Variants in DPP10 observed in about 807,000 individuals in gnomAD.
DPP10 encodes inactive dipeptidyl peptidase 10.
DPP10 carries 33 observed loss-of-function variants against 120.9 expected under a neutral mutation model. The observed-to-expected ratio is 0.27, with a 90% CI of 0.21 to 0.37. DPP10 has a LOEUF of 0.37. Ranked by LOEUF, DPP10 falls within the 10% of genes least tolerant of loss-of-function variation. DPP10 has a pLI of 1.00. For synonymous variants in DPP10, 337 were observed against 326.1 expected (o/e 1.03, Z -0.36); for missense variants, 816 against 942.8 (o/e 0.87, Z 1.76).
At chr2:115,335,930 T>C (rs992286435) in intron 2 of DPP10, among the ~76,000 whole-genome samples, 2 of 152,096 alleles carry the variant, frequency 1.3e-5, no homozygotes, top group African/African-American at 4.8e-5. Context: ...TTGTTCTTCT[T>C]GTGGGAAATT....
At chr2:115,815,584 C>T (rs753791261) in intron 20 of DPP10, 91 bp from the exon 21 acceptor site, 31 of 1,089,602 alleles carry the variant, frequency 2.8e-5, no homozygotes, top group Non-Finnish European at 3.7e-5. Flanking sequence ...TAGTCATTAG[C>T]TATTGTTTTG....
chr2:115,664,994 A>C (rs753268981), intron 5 of DPP10, among the ~76,000 whole-genome samples: 3 of 152,196 alleles, frequency 2.0e-5, no homozygotes, highest in Non-Finnish European at 4.4e-5. Flanking sequence ...AGGGCAGCAC[A>C]CACTGAACAT....
intron 3 of DPP10, among the ~76,000 whole-genome samples, chr2:115,471,593 AT>A (rs5833594): frequency 0.94 from 139,134 of 147,500 alleles, 66,119 homozygotes; most frequent in East Asian, 1. Context: ...TCTCTCTTTT[AT>A]TTTTTTTTTT....
At chr2:115,039,972 A>G (rs1245455860) in intron 1 of DPP10, among the ~76,000 whole-genome samples, 1 of 151,792 alleles carries the variant, frequency 6.6e-6, no homozygotes, top group Non-Finnish European at 1.5e-5. Flanking sequence ...AGGGAAAAAA[A>G]TGTGCACACA....
chr2:115,637,274 CA>C (rs1243041744), intron 5 of DPP10, among the ~76,000 whole-genome samples: 1 of 151,826 alleles, frequency 6.6e-6, no homozygotes, highest in Non-Finnish European at 1.5e-5. Flanking sequence ...AAATATCTTT[CA>C]AAAAACTGAT....
At chr2:115,057,537 G>A (rs559692990) in intron 1 of DPP10, among the ~76,000 whole-genome samples, 1 of 152,318 alleles carries the variant, frequency 6.6e-6, no homozygotes, top group Non-Finnish European at 1.5e-5. Context: ...TGCTAAGATG[G>A]TGAATTGCTT....
chr2:115,697,959 C>A (rs935172275), intron 7 of DPP10, among the ~76,000 whole-genome samples: 1 of 152,006 alleles, frequency 6.6e-6, no homozygotes, highest in Admixed American at 6.6e-5. Context: ...CCAGCTTGGG[C>A]GAGAGAGCGA....
At chr2:115,485,999 T>G (rs979838659) in intron 3 of DPP10, among the ~76,000 whole-genome samples, 34 of 152,250 alleles carry the variant, frequency 2.2e-4, no homozygotes, top group African/African-American at 8.2e-4. Context: ...AAGTCTGATC[T>G]AAACCTTGAT....
At chr2:115,790,554 T>C (rs1300510329) in intron 17 of DPP10, among the ~76,000 whole-genome samples, 2 of 152,224 alleles carry the variant, frequency 1.3e-5, no homozygotes, top group African/African-American at 2.4e-5. Flanking sequence ...ATTACTCTTT[T>C]GTTCTTCAGT....
At chr2:115,096,682 C>T (rs1370210650) in intron 1 of DPP10, among the ~76,000 whole-genome samples, 2 of 152,090 alleles carry the variant, frequency 1.3e-5, no homozygotes, top group Non-Finnish European at 2.9e-5. Flanking sequence ...AAGAAGTATA[C>T]TAAATGCATA....
At chr2:114,755,768 A>G (rs1372973735) in intron 1 of DPP10, among the ~76,000 whole-genome samples, 1 of 152,184 alleles carries the variant, frequency 6.6e-6, no homozygotes, top group Admixed American at 6.5e-5. Context: ...AGAGGCTCTG[A>G]AAGATAAATG....
At chr2:114,714,069 GTT>G (rs915771502) in intron 1 of DPP10, among the ~76,000 whole-genome samples, 8 of 109,798 alleles carry the variant, frequency 7.3e-5, no homozygotes, top group African/African-American at 2.0e-4. Flanking sequence ...GTGGATTTGT[GTT>G]TGTGTGTGTG....
intron 1 of DPP10, among the ~76,000 whole-genome samples, chr2:114,474,903 C>A (rs560576759): frequency 1.8e-4 from 27 of 152,290 alleles, no homozygotes; most frequent in African/African-American, 5.5e-4. Context: ...GCATTCTGAG[C>A]CTTGACAGTG....
chr2:115,837,922 T>A (rs1344217537), intron 24 of DPP10, among the ~76,000 whole-genome samples: 1 of 151,140 alleles, frequency 6.6e-6, no homozygotes, highest in Non-Finnish European at 1.5e-5. Flanking sequence ...TGTGGGATTC[T>A]GAATGGAACC....
chr2:114,719,396 C>A (rs1701560160), intron 1 of DPP10, among the ~76,000 whole-genome samples: 1 of 152,098 alleles, frequency 6.6e-6, no homozygotes, highest in Admixed American at 6.5e-5. Flanking sequence ...TGCAACCTGC[C>A]CACCCACCCC....
chr2:114,825,338 A>G (rs1356085037), intron 1 of DPP10, among the ~76,000 whole-genome samples: 2 of 152,226 alleles, frequency 1.3e-5, no homozygotes, highest in Admixed American at 1.3e-4. Context: ...TGAAAGAGGC[A>G]TATTTAGTCT....
intron 2 of DPP10, among the ~76,000 whole-genome samples, chr2:115,337,125 C>G (rs2063186880): frequency 7.0e-6 from 1 of 143,000 alleles, no homozygotes; most frequent in South Asian, 2.2e-4. Context: ...ATATTGTAGA[C>G]AAGTGTCTTG....
intron 1 of DPP10, among the ~76,000 whole-genome samples, chr2:114,949,566 G>A (rs1159393749): frequency 6.6e-6 from 1 of 152,146 alleles, no homozygotes; most frequent in Non-Finnish European, 1.5e-5. Flanking sequence ...ATTCATTAGG[G>A]CCTGAGTGGT....
rs543198127 is a variant in DPP10, at chr2:115,284,403, C to G, written c.61-24836C>G. Among the ~76,000 whole-genome samples the G allele has an allele frequency of 3.9e-5, 6 of 152,030 alleles. No homozygotes were observed. In the East Asian group the frequency reaches 1.2e-3, roughly 29 times the overall value. ...TTTCAAAAGCCCTAGTAATTTTTTG[C>G]TTATAATCTCTGGGTAGCTTCAGTA... On this transcript the variant is annotated intron_variant, in intron 1 of 25. Coordinates refer to ENST00000410059, the MANE Select transcript of DPP10 (RefSeq NM_020868.6).
Sources: allele counts gnomAD v4.1 joint callset (sites outside exome capture counted in the v4.1 genomes callset), GRCh38; gene constraint gnomAD v4.1.1; transcripts MANE v1.5; gene names NCBI Gene and HGNC (gene_info 2026-07-23, HGNC 2026-07-21).